SORCS2: variants seen among roughly 807,000 people sequenced by gnomAD.
SORCS2 encodes sortilin related VPS10 domain containing receptor 2.
Under a neutral mutation model 141.6 loss-of-function variants are expected in SORCS2, and 100 were observed. The observed-to-expected ratio is 0.71, with a 90% CI of 0.60 to 0.83. The LOEUF (loss-of-function observed/expected upper bound fraction) is 0.83. Among genes scored for constraint, SORCS2 ranks in the 40% least tolerant of loss-of-function variants. The probability of loss-of-function intolerance (pLI) is 0.00; values close to 1 mark genes in which losing one functional copy is unlikely to be tolerated. For missense variants in SORCS2, 1,646 were observed against 1,560.2 expected, an observed-to-expected ratio of 1.05 and a Z score of -0.93; for synonymous variants, 789 against 676.9, an observed-to-expected ratio of 1.17 and a Z score of -2.57.
intron 1 of SORCS2, among the ~76,000 whole-genome samples, chr4:7,293,455 G>A (rs1716750186): frequency 1.3e-5 from 2 of 152,166 alleles, no homozygotes; most frequent in Admixed American, 1.3e-4. Context: ...CATCTCCATG[G>A]AGTGGATACC....
At chr4:7,468,702 A>T (rs1232526296) in intron 2 of SORCS2, among the ~76,000 whole-genome samples, 1 of 152,210 alleles carries the variant, frequency 6.6e-6, no homozygotes, top group Non-Finnish European at 1.5e-5. Flanking sequence ...CCAGCTGCTT[A>T]TTTTGGATCC....
chr4:7,318,520 C>G (rs532214276), intron 1 of SORCS2, among the ~76,000 whole-genome samples: 3 of 152,322 alleles, frequency 2.0e-5, no homozygotes, highest in African/African-American at 7.2e-5. Context: ...CTTCCACTTG[C>G]CTGTGCAACT....
At chr4:7,334,884 A>T (rs985908716) in intron 1 of SORCS2, among the ~76,000 whole-genome samples, 6 of 152,252 alleles carry the variant, frequency 3.9e-5, no homozygotes, top group African/African-American at 1.4e-4. Flanking sequence ...CTTGGTGAGA[A>T]CAGCGAGTGT....
chr4:7,328,301 G>A (rs1719416216), intron 1 of SORCS2, among the ~76,000 whole-genome samples: 1 of 151,550 alleles, frequency 6.6e-6, no homozygotes, highest in Non-Finnish European at 1.5e-5. Context: ...CTCCCAAAGT[G>A]CTGGGTTTAC....
chr4:7,332,966 G>A (rs4689709), intron 1 of SORCS2, among the ~76,000 whole-genome samples: 21,376 of 152,212 alleles, frequency 0.14, 1,818 homozygotes, highest in Non-Finnish European at 0.2. Flanking sequence ...TTTACCCAGC[G>A]GAGTTTTGAG....
intron 2 of SORCS2, among the ~76,000 whole-genome samples, chr4:7,509,894 G>C (rs1178818843): frequency 6.6e-6 from 1 of 152,188 alleles, no homozygotes; most frequent in Non-Finnish European, 1.5e-5. Flanking sequence ...CAAATCACAA[G>C]CTCCACAGGC....
chr4:7,665,672 A>C (rs1444855795), intron 7 of SORCS2, among the ~76,000 whole-genome samples: 3 of 151,980 alleles, frequency 2.0e-5, no homozygotes, highest in Non-Finnish European at 4.4e-5. Flanking sequence ...TTGTCCCTAC[A>C]CCTGACTCAG....
At position 7,312,459 on chromosome 4, in the gene SORCS2, G is replaced by GC. The variant is rs1054927539; in HGVS notation, c.481-83824dup. Among the ~76,000 whole-genome samples the GC allele has an allele frequency of 1.2e-3, 186 of 151,042 alleles. 1 individual carries two copies. Among genetic ancestry groups the GC allele is most frequent in the African/African-American group, 4.3e-3 (179 of 41,424 alleles). On this transcript the variant is annotated intron_variant, in intron 1 of 26. Coordinates refer to ENST00000507866, the MANE Select transcript of SORCS2 (RefSeq NM_020777.3). ...GATGCCTCTGCCCATTTCTCCCTTG[G>GC]CCCCCTTTCTGTTCTGTTTCTCATC...
At position 7,543,951 on chromosome 4, in the gene SORCS2, T is replaced by C. The variant is rs1311746913; in HGVS notation, c.648+12322T>C. Among the ~76,000 whole-genome samples, 699 of 86,548 alleles carry C rather than the reference T, an allele frequency of 8.1e-3. 1 individual carries two copies. The highest frequency in any genetic ancestry group is 9.2e-3 in the Non-Finnish European group (400 of 43,376). 56.8% of individuals were successfully genotyped at this position (86,548 alleles called of 152,430 possible). A position where few individuals can be genotyped will look rare whatever the true frequency, so the allele number is the denominator to read the frequency against. ...ATCCACCCATCCACCCATCCATCCA[T>C]CCATCCATCCATCCATCCATCCACC... On this transcript the variant is annotated intron_variant, in intron 3 of 26. Coordinates refer to ENST00000507866, the MANE Select transcript of SORCS2 (RefSeq NM_020777.3).
chr4:7,602,214 A>T (rs1385248847), intron 3 of SORCS2, among the ~76,000 whole-genome samples: 2 of 151,598 alleles, frequency 1.3e-5, no homozygotes, highest in African/African-American at 4.8e-5. Flanking sequence ...GCTGCCGGGC[A>T]GAGGGGCCCT....
In SORCS2 at chr4:7,402,502, T is replaced by G. The variant is rs191563035; in HGVS notation, c.548+6147T>G. Among the ~76,000 whole-genome samples the G allele has an allele frequency of 1.4e-3, 211 of 152,372 alleles. 1 individual carries two copies. Among genetic ancestry groups the G allele is most frequent in the Non-Finnish European group, 2.3e-3 (156 of 68,034 alleles). On this transcript the variant is annotated intron_variant, in intron 2 of 26. Transcript: ENST00000507866. ...TGTGCCCAACTTTGTTTAGGTAATT[T>G]GTCCATGTAGCACGTGTAATCTATT... is the stretch of plus-strand genomic sequence containing the variant.
chr4:7,432,135 C>T (rs536053578), intron 2 of SORCS2: 1 of 152,390 alleles, frequency 6.6e-6, no homozygotes, highest in South Asian at 2.1e-4. Flanking sequence ...TGGAAACCCC[C>T]CCCGGAGGCT....
At chr4:7,403,306 G>A (rs1724715789) in intron 2 of SORCS2, among the ~76,000 whole-genome samples, 1 of 152,134 alleles carries the variant, frequency 6.6e-6, no homozygotes, top group Non-Finnish European at 1.5e-5. Context: ...GACTCGAGCT[G>A]ACAGGAACAG....
chr4:7,540,232 C>A (rs1156240880), intron 3 of SORCS2, among the ~76,000 whole-genome samples: 1 of 149,066 alleles, frequency 6.7e-6, no homozygotes, highest in Non-Finnish European at 1.5e-5. Context: ...CTCTCCCTGC[C>A]CCTGCCTCTC....
chr4:7,605,177 C>A (rs1382263986), intron 3 of SORCS2, among the ~76,000 whole-genome samples: 1 of 152,172 alleles, frequency 6.6e-6, no homozygotes, highest in Admixed American at 6.5e-5. Context: ...TCCAGAGTAG[C>A]TGCAGCTGTG....
At chr4:7,458,205 G>A (rs892517912) in intron 2 of SORCS2, among the ~76,000 whole-genome samples, 1 of 152,164 alleles carries the variant, frequency 6.6e-6, no homozygotes, top group East Asian at 1.9e-4. Flanking sequence ...CCTGTGGGGC[G>A]GGGGGAGGCG....
chr4:7,723,883 T>TGTAAGTTTACTGTAAACAAGG lies in SORCS2; in HGVS notation c.2611+9_2611+10insCTGTAAACAAGGGTAAGTTTA. The TGTAAGTTTACTGTAAACAAGG allele has an allele frequency of 6.3e-7, 1 of 1,599,776 alleles. No individual in the cohort carries two copies. The highest frequency in any genetic ancestry group is 8.5e-7 in the Non-Finnish European group (1 of 1,176,356). On this transcript the variant is annotated protein_altering_variant and splice_region_variant. Coordinates refer to ENST00000507866, the MANE Select transcript of SORCS2 (RefSeq NM_020777.3). Reference sequence around the variant, plus strand: ...GGCGGTGCTCTTTGTCCAGGTCAACTGTAAGTTTATTGCCCCTTTGAGGCC... The same window carrying TGTAAGTTTACTGTAAACAAGG: ...GGCGGTGCTCTTTGTCCAGGTCAACTGTAAGTTTACTGTAAACAAGGGTAAGTTTATTGCCCCTTTGAGGCC...
chr4:7,413,165 G>T, intron 2 of SORCS2, among the ~76,000 whole-genome samples: 1 of 151,938 alleles, frequency 6.6e-6, no homozygotes, highest in Non-Finnish European at 1.5e-5. Flanking sequence ...CCCTCAAAAA[G>T]TACCACATCT....
chr4:7,281,093 G>A (rs1040450856), intron 1 of SORCS2, among the ~76,000 whole-genome samples: 4 of 152,072 alleles, frequency 2.6e-5, no homozygotes, highest in African/African-American at 9.7e-5. Flanking sequence ...TTTGAAGCAC[G>A]GCCTCATAAA....
Sources: gnomAD v4.1 joint callset for allele counts (sites outside exome capture counted in the v4.1 genomes callset) on GRCh38, gnomAD v4.1.1 for gene constraint, MANE v1.5 for transcripts, NCBI Gene and HGNC (gene_info 2026-07-23, HGNC 2026-07-21) for gene names.